Variants in EMID1 observed in about 807,000 individuals in gnomAD.
The protein encoded by EMID1 is EMI domain containing 1.
EMID1 carries 40 observed loss-of-function variants against 60.6 expected under a neutral mutation model. The observed-to-expected ratio is 0.66, with a 90% CI of 0.51 to 0.86. EMID1 has a LOEUF of 0.86. Ranked by LOEUF, EMID1 falls within the 40% of genes least tolerant of loss-of-function variation. The probability of loss-of-function intolerance (pLI) is 0.00; values close to 1 mark genes in which losing one functional copy is unlikely to be tolerated. For missense variants in EMID1, 585 were observed against 597.1 expected, an observed-to-expected ratio of 0.98 and a Z score of 0.21; for synonymous variants, 242 against 231.0, an observed-to-expected ratio of 1.05 and a Z score of -0.43.
At chr22:29,220,857 G>A (rs1438872576) in intron 3 of EMID1, among the ~76,000 whole-genome samples, 2 of 152,160 alleles carry the variant, frequency 1.3e-5, no homozygotes, top group Non-Finnish European at 2.9e-5. Flanking sequence ...TGGGCAGAGG[G>A]AAGAAGAGCT....
In EMID1 at chr22:29,259,006, G is replaced by A. The variant is rs1488417770; in HGVS notation, c.*62G>A. 1.9e-6 allele frequency: 3 copies of A among 1,564,018 alleles called. No individual in the cohort carries two copies. Among genetic ancestry groups the A allele is most frequent in the South Asian group, 1.2e-5 (1 of 85,954 alleles). On this transcript the variant is annotated 3_prime_UTR_variant, in exon 15 of 15. Coordinates refer to ENST00000334018, the MANE Select transcript of EMID1 (RefSeq NM_133455.4). Reference sequence around the variant, plus strand: ...TTCCCCTCCTACCTGGACTCGGCCAGCTGCCTCCAGGGACCGCCCGTCCAT... The same window carrying A: ...TTCCCCTCCTACCTGGACTCGGCCAACTGCCTCCAGGGACCGCCCGTCCAT...
At chr22:29,245,618 A>T (rs1467090400) in intron 13 of EMID1, among the ~76,000 whole-genome samples, 4 of 152,242 alleles carry the variant, frequency 2.6e-5, no homozygotes, top group African/African-American at 9.6e-5. Context: ...AATGAGGTTC[A>T]GTGCTGGCAA....
intron 13 of EMID1, chr22:29,253,893 C>T (rs1459630243): frequency 1.1e-5 from 11 of 985,294 alleles, no homozygotes; most frequent in African/African-American, 1.0e-4. Flanking sequence ...CTGGGACTGC[C>T]GTTCTGCCCC....
intron 3 of EMID1, among the ~76,000 whole-genome samples, chr22:29,223,333 G>A (rs1031565507): frequency 6.6e-6 from 1 of 152,220 alleles, no homozygotes; most frequent in Non-Finnish European, 1.5e-5. Flanking sequence ...AGAAGCAGGT[G>A]GGGGGAGCAG....
intron 5 of EMID1, 48 bp from the exon 6 acceptor site, chr22:29,230,972 G>A (rs749085712): frequency 3.1e-6 from 5 of 1,588,410 alleles, no homozygotes; most frequent in Non-Finnish European, 3.4e-6. Context: ...ATAGGGAGGG[G>A]TCCTAGTGAG....
intron 5 of EMID1, among the ~76,000 whole-genome samples, chr22:29,226,766 C>T (rs1568981822): frequency 1.3e-5 from 2 of 152,168 alleles, no homozygotes; most frequent in Non-Finnish European, 2.9e-5. Context: ...GCTCACAGGT[C>T]GTGCCTCAGT....
chr22:29,255,468 C>T (rs2041669993), intron 14 of EMID1: 2 of 843,754 alleles, frequency 2.4e-6, no homozygotes, highest in South Asian at 2.8e-5. Context: ...CCAGCGGACA[C>T]TCATTCTTCA....
At chr22:29,253,475 G>T (rs890034959) in intron 13 of EMID1, among the ~76,000 whole-genome samples, 1 of 148,974 alleles carries the variant, frequency 6.7e-6, no homozygotes, top group Non-Finnish European at 1.5e-5. Context: ...CCAGCTACTT[G>T]GGAGGCTGAG....
Position 29,259,513 on chromosome 22 carries a change from G to A in EMID1, c.*569G>A. On this transcript the variant is annotated 3_prime_UTR_variant, in exon 15 of 15. Transcript: ENST00000334018. ...GGGATGGGGACATGGAGAGGAAGGG[G>A]CCGCCTACTCCTGCAAATGCTTGTG... The A allele has an allele frequency of 6.0e-6, 1 of 167,260 alleles. No individual in the cohort carries two copies. The highest frequency in any genetic ancestry group is 1.3e-5 in the Non-Finnish European group (1 of 78,124). The allele number at this position is 167,260 out of a possible 1,614,324, so 10.4% of individuals were successfully genotyped here. A position where few individuals can be genotyped will look rare whatever the true frequency, so the allele number is the denominator to read the frequency against.
intron 14 of EMID1, among the ~76,000 whole-genome samples, chr22:29,258,190 T>C (rs1378598594): frequency 6.6e-6 from 1 of 152,142 alleles, no homozygotes; most frequent in Non-Finnish European, 1.5e-5. Flanking sequence ...GCCTGCTCAT[T>C]TTACTTTGGG....
In EMID1 at chr22:29,233,650, G is replaced by A. The variant is rs747098153; in HGVS notation, c.950G>A (p.Gly317Glu). The change falls in exon 10 of 15, where the codon GGG (glycine) becomes GAG (glutamate). Residue 317 changes from glycine to glutamate, a missense_variant. By Grantham distance (98) the Gly-to-Glu change is moderately conservative. Transcript: ENST00000334018. Reference sequence around the variant, plus strand: ...CCTCCTGGCCCCACAGGTGTCCCTGGGAGTCCTGGTCACATAGTGAGTAGT... The same window carrying A: ...CCTCCTGGCCCCACAGGTGTCCCTGAGAGTCCTGGTCACATAGTGAGTAGT... Reference protein sequence around the residue: ...PGPPGPTGVPGSPGHIGPPGP... With the variant: ...PGPPGPTGVPESPGHIGPPGP... The A allele has an allele frequency of 1.2e-6, 2 of 1,613,846 alleles. No individual in the cohort carries two copies. Among genetic ancestry groups the A allele is most frequent in the Non-Finnish European group, 8.5e-7 (1 of 1,179,902 alleles).
chr22:29,246,373 A>G (rs2041331954), intron 13 of EMID1, among the ~76,000 whole-genome samples: 1 of 152,194 alleles, frequency 6.6e-6, no homozygotes, highest in African/African-American at 2.4e-5. Context: ...TTTTATTTGC[A>G]AAGAATCCCT....
chr22:29,216,484 G>C, intron 3 of EMID1: 4 of 985,452 alleles, frequency 4.1e-6, no homozygotes, highest in Non-Finnish European at 4.8e-6. Context: ...CCCAGAGACA[G>C]CTCAAGGGAC....
chr22:29,225,854 G>A (rs960055039), intron 4 of EMID1, among the ~76,000 whole-genome samples: 11 of 152,246 alleles, frequency 7.2e-5, no homozygotes, highest in African/African-American at 2.2e-4. Flanking sequence ...AATGTCCACA[G>A]CTGCTGTGAA....
At chr22:29,216,885 C>T (rs1396486672) in intron 3 of EMID1, among the ~76,000 whole-genome samples, 2 of 152,238 alleles carry the variant, frequency 1.3e-5, no homozygotes, top group Admixed American at 1.3e-4. Context: ...CCATGCCAAA[C>T]ACCCCTGCGG....
At chr22:29,218,612 G>A (rs933686346) in intron 3 of EMID1, among the ~76,000 whole-genome samples, 5 of 152,206 alleles carry the variant, frequency 3.3e-5, no homozygotes, top group African/African-American at 1.2e-4. Flanking sequence ...AACAATGGGT[G>A]AGGAAGAACC....
At chr22:29,252,569 A>C (rs2041567290) in intron 13 of EMID1, among the ~76,000 whole-genome samples, 1 of 152,158 alleles carries the variant, frequency 6.6e-6, no homozygotes, top group African/African-American at 2.4e-5. Context: ...GGGAGTGTGG[A>C]GCGTTGTCAA....
At chr22:29,243,594 C>A in intron 13 of EMID1, 105 bp downstream of exon 13, 2 of 1,307,756 alleles carry the variant, frequency 1.5e-6, no homozygotes, top group Non-Finnish European at 2.2e-6. Context: ...ATCCCATCCA[C>A]ATCCCCACTA....
rs754019478 is a variant in EMID1, at chr22:29,214,993, C to T, written c.169C>T (p.Arg57Ter). Reference sequence around the variant, plus strand: ...TGTGCAGAATGGCACCTACCTTCAGCGAGTGCTGCAGAACTGCCCCTGGCC... The same window carrying T: ...TGTGCAGAATGGCACCTACCTTCAGTGAGTGCTGCAGAACTGCCCCTGGCC... The part of the protein sequence containing the change: ...CHVQNGTYLQ[R>*]VLQNCPWPMS... Residue 57 changes from arginine (R) to a stop codon, truncating the protein, a stop_gained, in exon 2 of 15, where the codon CGA (arginine) becomes TGA (stop). Coordinates refer to ENST00000334018, the MANE Select transcript of EMID1 (RefSeq NM_133455.4). LOFTEE classifies it high-confidence loss of function. The T allele has an allele frequency of 3.9e-6, 6 of 1,552,950 alleles. No homozygotes were observed. Among genetic ancestry groups the T allele is most frequent in the Non-Finnish European group, 5.2e-6 (6 of 1,146,852 alleles).
Sources: allele counts gnomAD v4.1 joint callset (sites outside exome capture counted in the v4.1 genomes callset), GRCh38; gene constraint gnomAD v4.1.1; transcripts MANE v1.5; gene names NCBI Gene and HGNC (gene_info 2026-07-23, HGNC 2026-07-21).